Variants in NEB observed in about 807,000 individuals in gnomAD.
NEB encodes nemaline myopathy type 2.
In NEB, 512 loss-of-function variants were observed where a neutral mutation model predicts 952.2. That is an observed-to-expected ratio of 0.54 (90% confidence interval 0.50 to 0.58). The LOEUF is 0.58. NEB is among the 20% of genes least tolerant of loss of function. NEB has a pLI of 0.00. For missense variants in NEB, 8,428 were observed against 9,231.1 expected (o/e 0.91, Z 3.56); for synonymous variants, 2,900 against 3,149.8 (o/e 0.92, Z 2.66).
rs1264885583 is a variant in NEB, at chr2:151,671,211, A to G, written c.4318T>C (p.Tyr1440His). 6.2e-7 allele frequency: 1 copy of G among 1,613,442 alleles called. No individual in the cohort carries two copies. ...IQSDNVYKDE[Y>H]NSFLKGIGWI... ...CCGATGCCCTTCAAGAAGCTGTTAT[A>G]CTCGTCTTTATACACATTCTGTAAA... Residue 1440 changes from tyrosine to histidine, a missense_variant, in exon 38 of 182, where the codon TAT (tyrosine) becomes CAT (histidine). Physicochemically the swap from Tyr to His is moderately conservative, Grantham distance 83. Around this residue, in one of 11 missense-constraint regions of NEB, gnomAD observed 2,851 missense variants for 2,791.5 expected, o/e 1.02. Transcript: ENST00000397345.
intron 140 of NEB, 89 bp from the exon 141 acceptor site, chr2:151,537,325 A>G: frequency 1.4e-6 from 1 of 737,918 alleles, no homozygotes; most frequent in Admixed American, 2.1e-5. Flanking sequence ...AAACAGAAGC[A>G]CTACCCCTTG....
intron 65 of NEB, among the ~76,000 whole-genome samples, chr2:151,632,707 A>G (rs1463156287): frequency 1.3e-5 from 2 of 151,924 alleles, no homozygotes; most frequent in Non-Finnish European, 2.9e-5. Context: ...GAATGAAAAC[A>G]ATAACAGTTT....
rs16830125 is a variant in NEB, at chr2:151,504,160, A to G, written c.23743-719T>C. ...AGTTTTCAGCCTAAAGGACTGAATGAGTTCTTTTAAATGGATGGATTCCCT... is the reference window on the plus strand; with the variant it reads ...AGTTTTCAGCCTAAAGGACTGAATGGGTTCTTTTAAATGGATGGATTCCCT... On this transcript the variant is annotated intron_variant, in intron 165 of 181. Coordinates refer to ENST00000397345, the MANE Select transcript of NEB (RefSeq NM_001164508.2). 0.019 allele frequency among the ~76,000 whole-genome samples: 2,859 copies of G among 152,226 alleles called. 151 individuals are homozygous for G. In the East Asian group the frequency reaches 0.19, roughly 10 times the overall value.
At chr2:151,515,518 C>CTGTT (rs1340264443) in intron 157 of NEB, among the ~76,000 whole-genome samples, 1 of 152,026 alleles carries the variant, frequency 6.6e-6, no homozygotes, top group African/African-American at 2.4e-5. Flanking sequence ...GAGTTTTGAC[C>CTGTT]TGTTTTTTAA....
chr2:151,718,244 G>A (rs567495727), intron 9 of NEB, among the ~76,000 whole-genome samples: 1 of 152,294 alleles, frequency 6.6e-6, no homozygotes, highest in East Asian at 1.9e-4. Flanking sequence ...GATGAGTAGG[G>A]TTAAGAAGGA....
At position 151,724,839 on chromosome 2, in the gene NEB, T is replaced by A. The variant is rs753329732; in HGVS notation, c.507+18A>T. 10 of 1,598,172 alleles carry A rather than the reference T, an allele frequency of 6.3e-6. No individual in the cohort carries two copies. Among genetic ancestry groups the A allele is most frequent in the African/African-American group, 1.3e-5 (1 of 74,608 alleles). On this transcript the variant is annotated intron_variant, in intron 7 of 181. Transcript: ENST00000397345. ...CACATGCTACTGAGTACCCCAGCCA[T>A]CCATATCATTGCCTTACCTTACTGA...
At chr2:151,711,119 A>G (rs1435568568) in intron 10 of NEB, among the ~76,000 whole-genome samples, 1 of 152,212 alleles carries the variant, frequency 6.6e-6, no homozygotes, top group African/African-American at 2.4e-5. Flanking sequence ...CTCCTGGAAG[A>G]GAGAAGTGGT....
chr2:151,529,089 G>T, intron 146 of NEB, 121 bp downstream of exon 146: 1 of 720,602 alleles, frequency 1.4e-6, no homozygotes, highest in Non-Finnish European at 2.5e-6. Flanking sequence ...CCTGGGGCCT[G>T]ACTCTTGCTT....
chr2:151,607,134 G>C (rs1260011383), intron 83 of NEB, among the ~76,000 whole-genome samples: 1 of 103,148 alleles, frequency 9.7e-6, no homozygotes, highest in African/African-American at 2.6e-5. Flanking sequence ...ATCATACCTA[G>C]CCCGCCATCT....
Position 151,674,519 on chromosome 2 carries a change from AAT to A in NEB, c.3943_3944del (p.Ile1315SerfsTer14). Reference protein sequence around the residue: ...AKGNNVLGDAIPITAAKASRN... With the variant: ...AKGNNVLGDAXPITAAKASRN... ...TCGATGCCTTGGCTGCAGTGATGGGAATAGCATCGCCCAGCACATTGTTGCCC... is the reference window on the plus strand; with the variant it reads ...TCGATGCCTTGGCTGCAGTGATGGGAAGCATCGCCCAGCACATTGTTGCCC... On this transcript the variant is annotated frameshift_variant, in exon 36 of 182. Coordinates refer to ENST00000397345, the MANE Select transcript of NEB (RefSeq NM_001164508.2). LOFTEE classifies it high-confidence loss of function. The A allele has an allele frequency of 6.2e-7, 1 of 1,614,018 alleles. No individual in the cohort carries two copies. The highest frequency in any genetic ancestry group is 1.7e-5 in the Admixed American group (1 of 60,026).
chr2:151,733,286 T>A, intron 2 of NEB, 101 bp from the exon 3 acceptor site: 1 of 826,430 alleles, frequency 1.2e-6, no homozygotes, highest in Non-Finnish European at 1.9e-6. Context: ...TAAACTATTG[T>A]ACAAATTCAT....
intron 38 of NEB, 141 bp downstream of exon 38, chr2:151,670,882 A>G: frequency 1.2e-6 from 1 of 834,422 alleles, no homozygotes; most frequent in South Asian, 1.8e-5. Context: ...CTCAAAAGGC[A>G]GCCCTTTCTC....
At position 151,610,854 on chromosome 2, in the gene NEB, C is replaced by G. The variant is rs750172942; in HGVS notation, c.11818G>C (p.Glu3940Gln). The G allele has an allele frequency of 1.3e-6, 2 of 1,594,710 alleles. No individual in the cohort carries two copies. The highest frequency in any genetic ancestry group is 1.7e-6 in the Non-Finnish European group (2 of 1,169,750). ...GAGGTTTTGTCAGCATCCCAAGCTTCTGTGTATAAATGCTACAGGGCAGGG... is the reference window on the plus strand; with the variant it reads ...GAGGTTTTGTCAGCATCCCAAGCTTGTGTGTATAAATGCTACAGGGCAGGG... ...ALTMSKHLYT[E>Q]AWDADKTSIH... Residue 3940 changes from glutamate (E) to glutamine (Q), a missense_variant, in exon 79 of 182, where the codon GAA becomes CAA. Physicochemically the swap from Glu to Gln is conservative, Grantham distance 29. Coordinates refer to ENST00000397345, the MANE Select transcript of NEB (RefSeq NM_001164508.2).
At chr2:151,606,097 G>C (rs1443073920) in intron 84 of NEB, among the ~76,000 whole-genome samples, 2 of 80,678 alleles carry the variant, frequency 2.5e-5, no homozygotes, top group African/African-American at 6.1e-5. Context: ...TGGGATTACA[G>C]GGGTGAGCCA....
chr2:151,500,819 G>C (rs974269536), intron 168 of NEB, among the ~76,000 whole-genome samples: 1 of 151,880 alleles, frequency 6.6e-6, no homozygotes, highest in Non-Finnish European at 1.5e-5. Flanking sequence ...GGCTGGTCTC[G>C]ACCTCCTGGG....
At position 151,493,710 on chromosome 2, in the gene NEB, G is replaced by C. The variant is rs563269120; in HGVS notation, c.24672+65C>G. 42 of 1,201,652 alleles carry C rather than the reference G, an allele frequency of 3.5e-5. 1 individual carries two copies. In the Middle Eastern group the frequency reaches 5.7e-3, roughly 164 times the overall value. 74.4% of individuals were successfully genotyped at this position (1,201,652 alleles called of 1,614,324 possible). On this transcript the variant is annotated intron_variant, in intron 175 of 181. Coordinates refer to ENST00000397345, the MANE Select transcript of NEB (RefSeq NM_001164508.2). ...TTTGGAAAAACTGTAAGATAAATTA[G>C]TGGTACAACCATGTTTGCCAGGGCT...
chr2:151,691,714 G>A, intron 23 of NEB, 150 bp downstream of exon 23: 1 of 637,880 alleles, frequency 1.6e-6, no homozygotes, highest in Non-Finnish European at 2.8e-6. Context: ...TAATTGTTGT[G>A]TTCCCCGGTT....
chr2:151,662,346 A>G lies in NEB; in HGVS notation c.5764-5T>C. 1 of 1,541,456 alleles carries G rather than the reference A, an allele frequency of 6.5e-7. No homozygotes were observed. The highest frequency in any genetic ancestry group is 8.8e-7 in the Non-Finnish European group (1 of 1,140,436). ...ATAGTCAGCCTTGTACTGATTCTGCAAAAGAGGAAAAATTAAATTATGAGA... is the reference window on the plus strand; with the variant it reads ...ATAGTCAGCCTTGTACTGATTCTGCGAAAGAGGAAAAATTAAATTATGAGA... On this transcript the variant is annotated splice_polypyrimidine_tract_variant and splice_region_variant and intron_variant, in intron 45 of 181. Transcript: ENST00000397345.
intron 35 of NEB, among the ~76,000 whole-genome samples, 194 bp downstream of exon 35, chr2:151,675,093 T>A (rs2099348789): frequency 1.3e-5 from 2 of 152,202 alleles, no homozygotes; most frequent in Admixed American, 1.3e-4. Context: ...GAGAAGAATG[T>A]TATGTCCTTT....
Sources: allele counts gnomAD v4.1 joint callset (sites outside exome capture counted in the v4.1 genomes callset), GRCh38; gene constraint gnomAD v4.1.1; regional missense constraint gnomAD v4.1.1; transcripts MANE v1.5; gene names NCBI Gene and HGNC (gene_info 2026-07-23, HGNC 2026-07-21).